The following KIAA1549L variants were observed in gnomAD, a reference collection of about 807,000 sequenced individuals.
KIAA1549L encodes KIAA1549 like.
KIAA1549L carries 88 observed loss-of-function variants against 160.7 expected under a neutral mutation model. That is an observed-to-expected ratio of 0.55 (90% CI 0.46 to 0.65). KIAA1549L has a LOEUF of 0.65. KIAA1549L is among the 30% of genes least tolerant of loss of function. KIAA1549L has a pLI of 0.00. For missense variants in KIAA1549L, 2,258 were observed against 2,437.5 expected, an observed-to-expected ratio of 0.93 and a Z score of 1.55; for synonymous variants, 950 against 976.7, an observed-to-expected ratio of 0.97 and a Z score of 0.51.
intron 1 of KIAA1549L, among the ~76,000 whole-genome samples, chr11:33,452,003 C>A (rs1260440510): frequency 6.6e-6 from 1 of 152,186 alleles, no homozygotes; most frequent in African/African-American, 2.4e-5. Context: ...GAAATTTAGA[C>A]CTGGGTGTGC....
intron 6 of KIAA1549L, among the ~76,000 whole-genome samples, chr11:33,556,175 G>A (rs991203540): frequency 5.3e-5 from 8 of 152,224 alleles, no homozygotes; most frequent in African/African-American, 1.4e-4. Flanking sequence ...TGGTGATAAC[G>A]TGGAGAAATT....
chr11:33,545,100 T>C lies in KIAA1549L; in HGVS notation c.3107T>C (p.Leu1036Ser). 1 of 1,614,022 alleles carries C rather than the reference T, an allele frequency of 6.2e-7. No individual in the cohort carries two copies. The highest frequency in any genetic ancestry group is 8.5e-7 in the Non-Finnish European group (1 of 1,179,882). ...AACATGGACACTGCCTCTGGCCTGT[T>C]GTCTACAACTTACCTCCCCAGGAAA... ...QGNMDTASGL[L>S]STTYLPRKPQ... is the part of the protein sequence containing the mutation. The change falls in exon 3 of 21, where the codon TTG (leucine) becomes TCG (serine). Residue 1036 changes from leucine (L) to serine (S), a missense_variant. Transcript: ENST00000658780.
At position 33,542,524 on chromosome 11, in the gene KIAA1549L, T is replaced by TCAACAAAATGGCATTCCGAGCTGTCCC. The variant is rs770658306; in HGVS notation, c.967_993dup (p.Lys323_Thr331dup). 2.4e-4 allele frequency: 380 copies of TCAACAAAATGGCATTCCGAGCTGTCCC among 1,613,972 alleles called. No homozygotes were observed. Among genetic ancestry groups the TCAACAAAATGGCATTCCGAGCTGTCCC allele is most frequent in the Non-Finnish European group, 3.0e-4 (350 of 1,179,870 alleles). On this transcript the variant is annotated inframe_insertion, in exon 2 of 21. Transcript: ENST00000658780. ...CCCTCATCTAGGTGTTTCTGGATCC[T>TCAACAAAATGGCATTCCGAGCTGTCCC]CAACAAAATGGCATTCCGAGCTGTC...
At chr11:33,585,863 T>C (rs1330448815) in intron 11 of KIAA1549L, among the ~76,000 whole-genome samples, 2 of 152,224 alleles carry the variant, frequency 1.3e-5, no homozygotes, top group African/African-American at 2.4e-5. Context: ...CTGGCTGACA[T>C]TGAACATCAA....
At chr11:33,652,863 A>C (rs1851937709) in intron 17 of KIAA1549L, among the ~76,000 whole-genome samples, 1 of 151,868 alleles carries the variant, frequency 6.6e-6, no homozygotes, top group Non-Finnish European at 1.5e-5. Flanking sequence ...TCACCAGGGC[A>C]CCTCCTCCCC....
intron 1 of KIAA1549L, among the ~76,000 whole-genome samples, chr11:33,474,648 C>T (rs1434767790): frequency 6.6e-6 from 1 of 152,188 alleles, no homozygotes; most frequent in African/African-American, 2.4e-5. Flanking sequence ...CTAACTTCCT[C>T]ATTTGTAAAA....
chr11:33,394,403 AAATAAATAAAT>A (rs1850329317), intron 1 of KIAA1549L, among the ~76,000 whole-genome samples: 2 of 93,160 alleles, frequency 2.1e-5, no homozygotes, highest in South Asian at 6.3e-4. Context: ...ATAAATAAAT[AAATAAATAAAT>A]AAATAAACAA....
intron 16 of KIAA1549L, among the ~76,000 whole-genome samples, chr11:33,629,963 T>G (rs1851232778): frequency 6.6e-6 from 1 of 151,326 alleles, no homozygotes; most frequent in South Asian, 2.1e-4. Flanking sequence ...AGATGGTTTT[T>G]TGGTGTGGAT....
At chr11:33,536,464 C>T (rs1010286046) in intron 1 of KIAA1549L, among the ~76,000 whole-genome samples, 2 of 152,170 alleles carry the variant, frequency 1.3e-5, no homozygotes, top group Non-Finnish European at 2.9e-5. Flanking sequence ...AGCCTCTCCA[C>T]GTGGTGTGGG....
At chr11:33,603,609 C>G (rs572554348) in intron 13 of KIAA1549L, among the ~76,000 whole-genome samples, 1 of 152,004 alleles carries the variant, frequency 6.6e-6, no homozygotes, top group Non-Finnish European at 1.5e-5. Context: ...GAGTTCGAGA[C>G]CAGCCTGGCC....
At chr11:33,433,127 C>A (rs1168996164) in intron 1 of KIAA1549L, among the ~76,000 whole-genome samples, 1 of 152,170 alleles carries the variant, frequency 6.6e-6, no homozygotes, top group Admixed American at 6.5e-5. Context: ...AAGAAACTAT[C>A]ATCTGATCAT....
At chr11:33,624,433 C>A (rs1018262164) in intron 16 of KIAA1549L, among the ~76,000 whole-genome samples, 2 of 152,170 alleles carry the variant, frequency 1.3e-5, no homozygotes, top group African/African-American at 4.8e-5. Flanking sequence ...AGCTGGAGGC[C>A]AGTGGACAAA....
chr11:33,387,973 A>G (rs1277801019), intron 1 of KIAA1549L, among the ~76,000 whole-genome samples: 1 of 152,256 alleles, frequency 6.6e-6, no homozygotes, highest in Admixed American at 6.5e-5. Flanking sequence ...TGTGAGGCCC[A>G]GATAAATATA....
chr11:33,602,565 C>G (rs1485618435), intron 13 of KIAA1549L, among the ~76,000 whole-genome samples: 1 of 152,096 alleles, frequency 6.6e-6, no homozygotes, highest in Non-Finnish European at 1.5e-5. Flanking sequence ...CTCTGTCCAA[C>G]CTGATTTACT....
At chr11:33,532,695 A>G (rs752948370) in intron 1 of KIAA1549L, among the ~76,000 whole-genome samples, 1 of 152,200 alleles carries the variant, frequency 6.6e-6, no homozygotes, top group Non-Finnish European at 1.5e-5. Flanking sequence ...TGGCATCTCC[A>G]TGAATGTTTC....
intron 16 of KIAA1549L, among the ~76,000 whole-genome samples, chr11:33,640,771 C>T (rs10742299): frequency 0.57 from 87,087 of 152,142 alleles, 25,087 homozygotes; most frequent in East Asian, 0.71. Flanking sequence ...AGACATTCCT[C>T]GATGAATATT....
chr11:33,383,071 C>T (rs1050909637), intron 1 of KIAA1549L, among the ~76,000 whole-genome samples: 7 of 152,124 alleles, frequency 4.6e-5, no homozygotes, highest in African/African-American at 1.7e-4. Flanking sequence ...TTTGCTGACC[C>T]ACATCCTTCC....
chr11:33,518,166 A>T, intron 1 of KIAA1549L, among the ~76,000 whole-genome samples: 1 of 138,956 alleles, frequency 7.2e-6, no homozygotes, highest in Non-Finnish European at 1.6e-5. Context: ...AAAAAAAAAA[A>T]GACATAGCAA....
chr11:33,542,401 G>T lies in KIAA1549L; in HGVS notation c.838G>T (p.Asp280Tyr). 3.4e-6 allele frequency: 5 copies of T among 1,449,498 alleles called. No individual in the cohort carries two copies. The highest frequency in any genetic ancestry group is 1.3e-5 in the South Asian group (1 of 74,658). 89.8% of individuals were successfully genotyped at this position (1,449,498 alleles called of 1,614,324 possible). ...VLLVPQTAPA[D>Y]PSLGQNIANP... ...GTTAGTTCCCCAAACAGCTCCAGCCGACCCCTCTTTAGGTCAGAACATAGC... is the reference window on the plus strand; with the variant it reads ...GTTAGTTCCCCAAACAGCTCCAGCCTACCCCTCTTTAGGTCAGAACATAGC... Residue 280 changes from aspartate (D) to tyrosine (Y), a missense_variant, in exon 2 of 21, where the codon GAC (aspartate) becomes TAC (tyrosine). Physicochemically the swap from Asp to Tyr is radical, Grantham distance 160 (BLOSUM62 -3). Coordinates refer to ENST00000658780, the MANE Select transcript of KIAA1549L (RefSeq NM_012194.3).
Sources: allele counts gnomAD v4.1 joint callset (sites outside exome capture counted in the v4.1 genomes callset), GRCh38; gene constraint gnomAD v4.1.1; transcripts MANE v1.5; gene names NCBI Gene and HGNC (gene_info 2026-07-23, HGNC 2026-07-21).